CMSS1: variants seen among roughly 807,000 people sequenced by gnomAD.
The protein encoded by CMSS1 is protein CMSS1.
A neutral mutation model predicts 43.5 loss-of-function variants in CMSS1; 33 were observed. The ratio of observed to expected loss-of-function variants is 0.76; its 90% CI spans 0.57 to 1.01. The LOEUF is 1.01. Among genes scored for constraint, CMSS1 ranks in the 50% least tolerant of loss-of-function variants. The probability of loss-of-function intolerance (pLI) is 0.00; values close to 1 mark genes in which losing one functional copy is unlikely to be tolerated. For synonymous variants in CMSS1, 115 were observed against 117.2 expected (o/e 0.98, Z 0.12); for missense variants, 313 against 326.4 (o/e 0.96, Z 0.32).
intron 1 of CMSS1, among the ~76,000 whole-genome samples, chr3:100,071,993 A>G (rs2065771180): frequency 6.6e-6 from 1 of 152,216 alleles, no homozygotes; most frequent in Admixed American, 6.5e-5. Context: ...CATCTGCAGC[A>G]GTTCAGAGGA....
intron 1 of CMSS1, among the ~76,000 whole-genome samples, chr3:99,819,362 G>A (rs886468484): frequency 2.6e-5 from 4 of 152,224 alleles, no homozygotes; most frequent in African/African-American, 9.6e-5. Context: ...TTTGAGTGGT[G>A]AAGGGGATCC....
chr3:99,969,664 T>C (rs1708757329), intron 1 of CMSS1, among the ~76,000 whole-genome samples: 1 of 152,106 alleles, frequency 6.6e-6, no homozygotes, highest in South Asian at 2.1e-4. Context: ...ACGGGGAGCC[T>C]GGAAGGATCA....
At chr3:100,081,825 T>A (rs1275350963) in intron 1 of CMSS1, among the ~76,000 whole-genome samples, 1 of 152,164 alleles carries the variant, frequency 6.6e-6, no homozygotes, top group Admixed American at 6.5e-5. Flanking sequence ...TGCAGAGGGC[T>A]GTCCTGTGCA....
chr3:99,820,867 T>G (rs1942422596), intron 1 of CMSS1, among the ~76,000 whole-genome samples: 1 of 152,234 alleles, frequency 6.6e-6, no homozygotes, highest in Non-Finnish European at 1.5e-5. Flanking sequence ...AAATAATATG[T>G]TAAATCAGAG....
At chr3:99,858,246 A>G (rs1475314132) in intron 1 of CMSS1, among the ~76,000 whole-genome samples, 1 of 152,072 alleles carries the variant, frequency 6.6e-6, no homozygotes, top group African/African-American at 2.4e-5. Flanking sequence ...CAGGCGGATC[A>G]TGAGGTGAGG....
chr3:99,936,880 C>G (rs1462216407), intron 1 of CMSS1, among the ~76,000 whole-genome samples: 1 of 152,078 alleles, frequency 6.6e-6, no homozygotes, highest in East Asian at 1.9e-4. Context: ...TGAAATGAAG[C>G]CCTACTATGT....
intron 1 of CMSS1, among the ~76,000 whole-genome samples, chr3:99,983,385 A>AT (rs1709187098): frequency 4.6e-4 from 39 of 84,042 alleles, no homozygotes; most frequent in African/African-American, 2.3e-3. Context: ...AAAATAAATA[A>AT]ATAAATATAT....
At chr3:100,121,164 A>G (rs919792784) in intron 1 of CMSS1, among the ~76,000 whole-genome samples, 1 of 151,992 alleles carries the variant, frequency 6.6e-6, no homozygotes, top group Non-Finnish European at 1.5e-5. Context: ...ACATAGGTAT[A>G]CACGTGTCAT....
intron 1 of CMSS1, among the ~76,000 whole-genome samples, chr3:99,882,874 G>A (rs1705774308): frequency 6.6e-6 from 1 of 152,128 alleles, no homozygotes; most frequent in South Asian, 2.1e-4. Flanking sequence ...TTTTAAATTG[G>A]AGATTTATAG....
chr3:99,912,898 G>A (rs1706836692), intron 1 of CMSS1, among the ~76,000 whole-genome samples: 1 of 152,140 alleles, frequency 6.6e-6, no homozygotes. Flanking sequence ...TATGGTAACT[G>A]CAATGGACTG....
rs181298317 is a variant in CMSS1 at position 99,858,373 on chromosome 3, G to A, written c.64+40330G>A. Among the ~76,000 whole-genome samples the A allele has an allele frequency of 1.2e-3, 188 of 152,180 alleles. 1 individual carries two copies. Among genetic ancestry groups the A allele is most frequent in the South Asian group, 1.0e-3 (5 of 4,828 alleles). On this transcript the variant is annotated intron_variant, in intron 1 of 9. Transcript: ENST00000421999. ...CCAGCTACTTGGGAGGCTGAGGCAGGAGAATTGCTTGAACCCGTGAGGCAG... is the reference window on the plus strand; with the variant it reads ...CCAGCTACTTGGGAGGCTGAGGCAGAAGAATTGCTTGAACCCGTGAGGCAG...
chr3:100,144,561 G>A (rs1323869217), intron 1 of CMSS1, among the ~76,000 whole-genome samples: 2 of 152,182 alleles, frequency 1.3e-5, no homozygotes, highest in South Asian at 4.1e-4. Flanking sequence ...GCCTTCAGGG[G>A]TCCATCATGG....
intron 1 of CMSS1, among the ~76,000 whole-genome samples, chr3:100,037,948 T>TTC (rs1287027439): frequency 1.5e-5 from 2 of 136,892 alleles, no homozygotes; most frequent in Non-Finnish European, 3.1e-5. Context: ...TCTTTTTTTT[T>TTC]TTTTTTTTGG....
chr3:99,823,865 T>G (rs1016916119), intron 1 of CMSS1, among the ~76,000 whole-genome samples: 1 of 152,116 alleles, frequency 6.6e-6, no homozygotes, highest in Admixed American at 6.5e-5. Flanking sequence ...CTTAGCCGTT[T>G]GTGTTAGCTG....
chr3:99,908,241 A>G (rs1485035979), intron 1 of CMSS1, among the ~76,000 whole-genome samples: 1 of 152,260 alleles, frequency 6.6e-6, no homozygotes, highest in Middle Eastern at 3.2e-3. Context: ...CTTTTAGCAA[A>G]TAAGACCTTT....
At chr3:100,115,365 T>C (rs753353333) in intron 1 of CMSS1, among the ~76,000 whole-genome samples, 1 of 152,168 alleles carries the variant, frequency 6.6e-6, no homozygotes, top group Non-Finnish European at 1.5e-5. Context: ...ATGATAGATA[T>C]AAGACTGAGG....
chr3:99,880,537 A>G (rs909850815), intron 1 of CMSS1, among the ~76,000 whole-genome samples: 1 of 152,166 alleles, frequency 6.6e-6, no homozygotes, highest in African/African-American at 2.4e-5. Flanking sequence ...TGACTCTAGA[A>G]CAGTGACATA....
chr3:99,858,636 G>A (rs1489268703), intron 1 of CMSS1, among the ~76,000 whole-genome samples: 1 of 152,150 alleles, frequency 6.6e-6, no homozygotes, highest in African/African-American at 2.4e-5. Context: ...GAAGACAGCT[G>A]TATCCTCAGA....
At chr3:99,912,880 CT>C (rs1214657125) in intron 1 of CMSS1, among the ~76,000 whole-genome samples, 3 of 152,126 alleles carry the variant, frequency 2.0e-5, no homozygotes, top group Non-Finnish European at 4.4e-5. Context: ...AGTAGAATTG[CT>C]GAGTTGTATG....
Sources: allele counts gnomAD v4.1 joint callset (sites outside exome capture counted in the v4.1 genomes callset), GRCh38; gene constraint gnomAD v4.1.1; transcripts MANE v1.5; gene names NCBI Gene and HGNC (gene_info 2026-07-23, HGNC 2026-07-21).